Variants in MAP4K5 observed in about 807,000 individuals in gnomAD.
MAP4K5 encodes MAPK/ERK kinase kinase kinase 5.
In MAP4K5, 82 loss-of-function variants were observed where a neutral mutation model predicts 135.6. That is an observed-to-expected ratio of 0.60 (90% CI 0.51 to 0.73). MAP4K5 has a LOEUF of 0.73. Among genes scored for constraint, MAP4K5 ranks in the 30% least tolerant of loss-of-function variants. The pLI is 0.00. For missense variants in MAP4K5, 907 were observed against 1,010.9 expected (o/e 0.90, Z 1.39); for synonymous variants, 347 against 335.0 (o/e 1.04, Z -0.39).
chr14:50,547,062 A>G (rs546002701), intron 1 of MAP4K5, among the ~76,000 whole-genome samples: 3 of 152,174 alleles, frequency 2.0e-5, no homozygotes, highest in South Asian at 2.1e-4. Flanking sequence ...ACATGGACAC[A>G]GGGGGAGGGG....
In MAP4K5 at chr14:50,443,932, T is replaced by C. The variant is rs777233147; in HGVS notation, c.1437+7A>G. On this transcript the variant is annotated splice_region_variant and intron_variant, in intron 19 of 32. Transcript: ENST00000682126. Reference sequence around the variant, plus strand: ...ACAACTAATTGCTAAATGCCTGTTATACCTACAGGGAAGTCTCGTTTGTCC... The same window carrying C: ...ACAACTAATTGCTAAATGCCTGTTACACCTACAGGGAAGTCTCGTTTGTCC... 5.7e-6 allele frequency: 9 copies of C among 1,592,260 alleles called. No individual in the cohort carries two copies. The highest frequency in any genetic ancestry group is 7.7e-6 in the Non-Finnish European group (9 of 1,164,840).
intron 1 of MAP4K5, among the ~76,000 whole-genome samples, chr14:50,547,072 G>A (rs2038643122): frequency 6.6e-6 from 1 of 152,146 alleles, no homozygotes; most frequent in South Asian, 2.1e-4. Context: ...AGGGGGAGGG[G>A]GGAACTTTAA....
Position 50,473,545 on chromosome 14 carries a change from C to G in MAP4K5, c.542+1532G>C, listed in dbSNP as rs116874475. 7.5e-3 allele frequency among the ~76,000 whole-genome samples: 1,134 copies of G among 152,040 alleles called. 12 individuals are homozygous for G. The highest frequency in any genetic ancestry group is 0.014 in the Non-Finnish European group (920 of 67,974). Reference sequence around the variant, plus strand: ...TTTGGCATATTTTAGACAATATTTCCTGTTTTTTTACTTGCCTTTTAATTT... The same window carrying G: ...TTTGGCATATTTTAGACAATATTTCGTGTTTTTTTACTTGCCTTTTAATTT... On this transcript the variant is annotated intron_variant, in intron 9 of 32. Transcript: ENST00000682126.
Position 50,443,737 on chromosome 14 carries a change from T to C in MAP4K5, c.1471A>G (p.Lys491Glu), listed in dbSNP as rs190079608. The change falls in exon 20 of 33, where the codon AAA becomes GAA. Residue 491 changes from lysine (K) to glutamate (E), a missense_variant. Coordinates refer to ENST00000682126, the MANE Select transcript of MAP4K5 (RefSeq NM_006575.6). ...PAINGLPPTP[K>E]VLMGACFSKV... ...ATAAAAATATTCCTTACCAGAACTT[T>C]TGGGGTGGGTGGAAGGCCATTGATG... The C allele has an allele frequency of 4.8e-5, 76 of 1,596,290 alleles. No individual in the cohort carries two copies. In the South Asian group the frequency reaches 6.5e-4, roughly 14 times the overall value.
At chr14:50,500,297 A>T (rs1283903285) in intron 3 of MAP4K5, among the ~76,000 whole-genome samples, 1 of 152,200 alleles carries the variant, frequency 6.6e-6, no homozygotes, top group Non-Finnish European at 1.5e-5. Context: ...CTATGCAGCG[A>T]ACTAAAATAA....
chr14:50,491,324 C>CT (rs869302168), intron 3 of MAP4K5, among the ~76,000 whole-genome samples: 4,078 of 139,884 alleles, frequency 0.029, 74 homozygotes, highest in African/African-American at 0.056. Flanking sequence ...TATTATCTCT[C>CT]TTTTTTTTTT....
intron 21 of MAP4K5, among the ~76,000 whole-genome samples, chr14:50,440,881 TA>T (rs1195600159): frequency 3.9e-5 from 6 of 152,128 alleles, no homozygotes; most frequent in African/African-American, 1.2e-4. Context: ...CAGGGCTTCT[TA>T]GAGAAAGACT....
intron 1 of MAP4K5, among the ~76,000 whole-genome samples, chr14:50,544,936 CAAAAAAAAAAAAAAA>C (rs35420627): frequency 5.1e-5 from 3 of 58,448 alleles, no homozygotes; most frequent in Non-Finnish European, 9.5e-5. Flanking sequence ...GACCCACTCT[CAAAAAAAAAAAAAAA>C]AAAAAAAAAA....
intron 14 of MAP4K5, among the ~76,000 whole-genome samples, chr14:50,455,156 TAGAA>T (rs1301590964): frequency 6.6e-6 from 1 of 151,978 alleles, no homozygotes; most frequent in African/African-American, 2.4e-5. Flanking sequence ...AGTAGTCATC[TAGAA>T]AGAAACTCAA....
intron 13 of MAP4K5, among the ~76,000 whole-genome samples, chr14:50,458,503 CTCT>C (rs1162257825): frequency 1.3e-5 from 2 of 152,146 alleles, no homozygotes; most frequent in Admixed American, 6.6e-5. Flanking sequence ...GCTCCCCCTC[CTCT>C]ATTAGAAAAT....
At chr14:50,515,983 T>A (rs879697420) in intron 2 of MAP4K5, among the ~76,000 whole-genome samples, 5 of 152,152 alleles carry the variant, frequency 3.3e-5, no homozygotes, top group Non-Finnish European at 5.9e-5. Flanking sequence ...TCCCACATCT[T>A]CCTAATCTAA....
intron 2 of MAP4K5, among the ~76,000 whole-genome samples, chr14:50,518,902 T>C (rs973457805): frequency 1.3e-5 from 2 of 152,210 alleles, no homozygotes; most frequent in Non-Finnish European, 2.9e-5. Flanking sequence ...TCATTGTTGA[T>C]GGGTGCAAAT....
intron 14 of MAP4K5, among the ~76,000 whole-genome samples, chr14:50,453,272 C>CAAAAAAAA (rs750792572): frequency 9.5e-6 from 1 of 105,796 alleles, no homozygotes. Flanking sequence ...GATGACAAAC[C>CAAAAAAAA]AAAAAAAAAA....
chr14:50,531,333 A>G (rs1595556481), intron 2 of MAP4K5, among the ~76,000 whole-genome samples: 1 of 152,238 alleles, frequency 6.6e-6, no homozygotes, highest in Non-Finnish European at 1.5e-5. Flanking sequence ...CCTGAAAGGA[A>G]CCGCTAAAGT....
chr14:50,491,364 C>T (rs2037480549), intron 3 of MAP4K5, among the ~76,000 whole-genome samples: 1 of 151,236 alleles, frequency 6.6e-6, no homozygotes, highest in Non-Finnish European at 1.5e-5. Context: ...GCTCTGTCAC[C>T]CAGGCTAAAG....
chr14:50,444,427 T>C (rs2036956182), intron 18 of MAP4K5, among the ~76,000 whole-genome samples: 1 of 152,134 alleles, frequency 6.6e-6, no homozygotes, highest in South Asian at 2.1e-4. Context: ...TTCATCTACC[T>C]ACTGAAGGCT....
intron 21 of MAP4K5, 99 bp downstream of exon 21, chr14:50,442,633 T>C (rs918117380): frequency 1.2e-6 from 1 of 838,496 alleles, no homozygotes; most frequent in Non-Finnish European, 1.9e-6. Flanking sequence ...GTCTCTAAAG[T>C]CGTATTTTTA....
chr14:50,467,902 T>C (rs959848824), intron 10 of MAP4K5, among the ~76,000 whole-genome samples: 2 of 152,110 alleles, frequency 1.3e-5, no homozygotes, highest in East Asian at 1.9e-4. Flanking sequence ...CCTTATATAG[T>C]ATATATCAAT....
upstream of MAP4K5, among the ~76,000 whole-genome samples, chr14:50,536,745 G>T (rs1039747017): frequency 2.6e-5 from 4 of 152,214 alleles, no homozygotes; most frequent in African/African-American, 4.8e-5. Flanking sequence ...GACACTGGTG[G>T]CATTTTGCCC....
Sources: gnomAD v4.1 joint callset for allele counts (sites outside exome capture counted in the v4.1 genomes callset) on GRCh38, gnomAD v4.1.1 for gene constraint, MANE v1.5 for transcripts, NCBI Gene and HGNC (gene_info 2026-07-23, HGNC 2026-07-21) for gene names.